ZBTB20: variants seen among roughly 807,000 people sequenced by gnomAD.
The protein encoded by ZBTB20 is zinc finger and BTB domain containing 20.
In ZBTB20, 9 loss-of-function variants were observed where a neutral mutation model predicts 56.9. The ratio of observed to expected loss-of-function variants is 0.16; its 90% CI spans 0.10 to 0.28. The LOEUF is 0.28. Ranked by LOEUF, ZBTB20 falls within the 10% of genes least tolerant of loss-of-function variation. ZBTB20 has a pLI of 1.00. For synonymous variants in ZBTB20, 417 were observed against 420.7 expected, an observed-to-expected ratio of 0.99 and a Z score of 0.11; for missense variants, 655 against 1,003.0, an observed-to-expected ratio of 0.65 and a Z score of 4.69.
At chr3:115,024,412 T>C (rs1428386834) in intron 2 of ZBTB20, among the ~76,000 whole-genome samples, 1 of 151,110 alleles carries the variant, frequency 6.6e-6, no homozygotes, top group Non-Finnish European at 1.5e-5. Flanking sequence ...ATCCTCATTA[T>C]ACATCTGGTA....
At chr3:114,407,113 G>A (rs183165776) in intron 7 of ZBTB20, among the ~76,000 whole-genome samples, 11 of 152,240 alleles carry the variant, frequency 7.2e-5, no homozygotes, top group East Asian at 5.8e-4. Context: ...GCCAACTGGC[G>A]TCACTGTCCC....
At chr3:115,045,447 T>G (rs1382686168) in intron 2 of ZBTB20, among the ~76,000 whole-genome samples, 1 of 151,768 alleles carries the variant, frequency 6.6e-6, no homozygotes, top group East Asian at 1.9e-4. Context: ...ATTAAACAAA[T>G]AAAAAGTCAT....
chr3:115,092,248 GT>G (rs1174633012), intron 1 of ZBTB20, among the ~76,000 whole-genome samples: 1 of 151,774 alleles, frequency 6.6e-6, no homozygotes, highest in Non-Finnish European at 1.5e-5. Context: ...CAAATGTCCT[GT>G]TTTTTTGTTG....
At chr3:114,841,365 G>A (rs974573783) in intron 4 of ZBTB20, among the ~76,000 whole-genome samples, 2 of 152,106 alleles carry the variant, frequency 1.3e-5, no homozygotes, top group African/African-American at 2.4e-5. Context: ...ATGGTGCACC[G>A]AAGGCATGAA....
intron 5 of ZBTB20, among the ~76,000 whole-genome samples, chr3:114,706,124 C>T (rs1372222201): frequency 2.0e-5 from 3 of 151,934 alleles, no homozygotes; most frequent in Admixed American, 2.0e-4. Flanking sequence ...GAGTTTGAAT[C>T]CCAGGTTTTC....
chr3:115,091,027 C>T (rs967315496), intron 1 of ZBTB20, among the ~76,000 whole-genome samples: 13 of 151,812 alleles, frequency 8.6e-5, no homozygotes, highest in African/African-American at 2.7e-4. Flanking sequence ...GTGGGTTCAT[C>T]TTACTATATA....
intron 6 of ZBTB20, among the ~76,000 whole-genome samples, chr3:114,691,366 T>C (rs1250595678): frequency 6.6e-6 from 1 of 152,076 alleles, no homozygotes; most frequent in Non-Finnish European, 1.5e-5. Context: ...AGGCCATCAG[T>C]TAGTCATTGT....
chr3:114,807,334 G>A (rs566783155), intron 4 of ZBTB20, among the ~76,000 whole-genome samples: 18 of 151,788 alleles, frequency 1.2e-4, no homozygotes, highest in South Asian at 4.2e-4. Flanking sequence ...TTATATTGCC[G>A]GCAAATAAAT....
At chr3:115,137,708 A>G (rs912087632) in intron 1 of ZBTB20, among the ~76,000 whole-genome samples, 2 of 152,092 alleles carry the variant, frequency 1.3e-5, no homozygotes, top group African/African-American at 4.8e-5. Context: ...AAGGTATATA[A>G]TATTTTACCC....
chr3:115,017,641 G>C (rs1375702106), intron 2 of ZBTB20, among the ~76,000 whole-genome samples: 1 of 151,480 alleles, frequency 6.6e-6, no homozygotes, highest in Admixed American at 6.6e-5. Flanking sequence ...TATCATTAAT[G>C]CTTTCTCACA....
At chr3:115,140,111 A>G (rs1385631110) in intron 1 of ZBTB20, among the ~76,000 whole-genome samples, 1 of 152,072 alleles carries the variant, frequency 6.6e-6, no homozygotes, top group East Asian at 1.9e-4. Flanking sequence ...TCAGATGATT[A>G]GAACTGAAAA....
At chr3:115,107,991 TG>T (rs1472516895) in intron 1 of ZBTB20, among the ~76,000 whole-genome samples, 2 of 151,226 alleles carry the variant, frequency 1.3e-5, no homozygotes, top group African/African-American at 4.9e-5. Context: ...TGTCGGCGGG[TG>T]GGGGGTGAGA....
chr3:114,762,419 A>T (rs374935582), intron 5 of ZBTB20, among the ~76,000 whole-genome samples: 1 of 152,162 alleles, frequency 6.6e-6, no homozygotes, highest in Non-Finnish European at 1.5e-5. Context: ...CCAGCCACCC[A>T]TAATTCTTGA....
chr3:114,550,173 T>TG (rs1470023728), intron 6 of ZBTB20, among the ~76,000 whole-genome samples: 1 of 152,110 alleles, frequency 6.6e-6, no homozygotes, highest in African/African-American at 2.4e-5. Context: ...CTCCTGATCT[T>TG]GCGATCCGCC....
chr3:114,732,142 G>A (rs1427522288), intron 5 of ZBTB20, among the ~76,000 whole-genome samples: 3 of 152,060 alleles, frequency 2.0e-5, no homozygotes, highest in Non-Finnish European at 2.9e-5. Context: ...AGGACTAACA[G>A]CAAGTAGTTG....
chr3:114,864,364 C>G (rs1278862505), intron 4 of ZBTB20, among the ~76,000 whole-genome samples: 1 of 151,946 alleles, frequency 6.6e-6, no homozygotes, highest in Non-Finnish European at 1.5e-5. Flanking sequence ...TATTGTACCT[C>G]TTATCATTTC....
At chr3:114,574,397 A>G (rs975895847) in intron 6 of ZBTB20, among the ~76,000 whole-genome samples, 1 of 152,196 alleles carries the variant, frequency 6.6e-6, no homozygotes, top group Non-Finnish European at 1.5e-5. Context: ...CAATATATAG[A>G]TATCCACTAT....
intron 6 of ZBTB20, among the ~76,000 whole-genome samples, chr3:114,507,888 A>G (rs1271812478): frequency 6.6e-6 from 1 of 152,164 alleles, no homozygotes; most frequent in African/African-American, 2.4e-5. Flanking sequence ...ATAGTAATAT[A>G]TGGTGCTCAC....
At chr3:114,742,368 T>C (rs2066670011) in intron 5 of ZBTB20, among the ~76,000 whole-genome samples, 1 of 152,160 alleles carries the variant, frequency 6.6e-6, no homozygotes, top group Admixed American at 6.5e-5. Flanking sequence ...CAAGTATCTA[T>C]ACGAAATCCT....
Sources: allele counts gnomAD v4.1 joint callset (sites outside exome capture counted in the v4.1 genomes callset), GRCh38; gene constraint gnomAD v4.1.1; transcripts MANE v1.5; gene names NCBI Gene and HGNC (gene_info 2026-07-23, HGNC 2026-07-21).